TBC1D19: variants seen among roughly 807,000 people sequenced by gnomAD.
The protein encoded by TBC1D19 is TBC1 domain family member 19.
In TBC1D19, 60 loss-of-function variants were observed where a neutral mutation model predicts 89.0. The observed-to-expected ratio is 0.67, with a 90% CI of 0.55 to 0.84. The LOEUF (loss-of-function observed/expected upper bound fraction) is 0.84, where lower values mean the gene tolerates loss of function less well. Among genes scored for constraint, TBC1D19 ranks in the 40% least tolerant of loss-of-function variants. The pLI, the probability that TBC1D19 is intolerant of heterozygous loss-of-function variation, is 0.00. For missense variants in TBC1D19, 500 were observed against 610.8 expected, an observed-to-expected ratio of 0.82 and a Z score of 1.91; for synonymous variants, 189 against 199.7, an observed-to-expected ratio of 0.95 and a Z score of 0.45.
rs1028981940 is a variant in TBC1D19 at position 26,688,404 on chromosome 4, T to C, written c.951T>C (p.Tyr317=). Residue 317 remains tyrosine, a synonymous_variant, in exon 13 of 21, where the codon TAT becomes TAC. Coordinates refer to ENST00000264866, the MANE Select transcript of TBC1D19 (RefSeq NM_018317.4). ...ATTTTGTATTTGAAGATTATTTATATCAGGTAAGTTTAAAAATAAAAATAC... is the reference window on the plus strand; with the variant it reads ...ATTTTGTATTTGAAGATTATTTATACCAGGTAAGTTTAAAAATAAAAATAC... ...DYYFVFEDYL[Y]QVLLCFSRDT... 1 of 1,559,226 alleles carries C rather than the reference T, an allele frequency of 6.4e-7. No individual in the cohort carries two copies. Among genetic ancestry groups the C allele is most frequent in the Non-Finnish European group, 8.7e-7 (1 of 1,148,578 alleles).
chr4:26,712,610 A>G (rs1716274226), intron 13 of TBC1D19, among the ~76,000 whole-genome samples: 1 of 152,110 alleles, frequency 6.6e-6, no homozygotes. Context: ...GTGTGACTAT[A>G]CCAGAATACC....
chr4:26,611,887 G>A (rs1360598637), intron 1 of TBC1D19, among the ~76,000 whole-genome samples: 3 of 151,896 alleles, frequency 2.0e-5, no homozygotes. Flanking sequence ...GCGTTGATTT[G>A]TCAGTTTTAA....
chr4:26,624,704 T>C (rs2110043561), intron 4 of TBC1D19, among the ~76,000 whole-genome samples: 1 of 152,282 alleles, frequency 6.6e-6, no homozygotes, highest in Admixed American at 6.5e-5. Context: ...ACACTATTTA[T>C]TTTAAGGATA....
At chr4:26,758,282 A>T (rs1029955690), downstream of TBC1D19, among the ~76,000 whole-genome samples, 4 of 152,214 alleles carry the variant, frequency 2.6e-5, no homozygotes, top group African/African-American at 9.6e-5. Context: ...AATGTGGAAG[A>T]TGCAAGCAGA....
chr4:26,653,854 G>C (rs1238154728), intron 7 of TBC1D19, among the ~76,000 whole-genome samples: 1 of 152,068 alleles, frequency 6.6e-6, no homozygotes, highest in Non-Finnish European at 1.5e-5. Flanking sequence ...CTTTTAATTG[G>C]GGAATTTAGC....
chr4:26,735,561 C>G (rs1299918056), intron 16 of TBC1D19, 74 bp downstream of exon 16: 2 of 1,284,894 alleles, frequency 1.6e-6, no homozygotes, highest in African/African-American at 3.1e-5. Flanking sequence ...AAAATAATGA[C>G]TGACAGATAT....
At chr4:26,791,277 C>T in the TBC1D19 span, among the ~76,000 whole-genome samples, 1 of 152,108 alleles carries the variant, frequency 6.6e-6, no homozygotes, top group African/African-American at 2.4e-5. Context: ...GTCATTGATT[C>T]GATTCATTCA....
chr4:26,682,036 A>G (rs1713390223), intron 11 of TBC1D19, among the ~76,000 whole-genome samples: 1 of 152,170 alleles, frequency 6.6e-6, no homozygotes, highest in Non-Finnish European at 1.5e-5. Flanking sequence ...AGGATGTTTA[A>G]CTTTTTCTTT....
At chr4:26,678,970 G>A (rs984445320) in intron 11 of TBC1D19, among the ~76,000 whole-genome samples, 1 of 152,146 alleles carries the variant, frequency 6.6e-6, no homozygotes, top group Non-Finnish European at 1.5e-5. Context: ...GTATCTGGTG[G>A]AAGAAATTTC....
intron 15 of TBC1D19, among the ~76,000 whole-genome samples, chr4:26,733,538 A>G (rs1489176742): frequency 6.6e-6 from 1 of 152,216 alleles, no homozygotes; most frequent in Non-Finnish European, 1.5e-5. Flanking sequence ...CATCCAGTCC[A>G]TGCCCTTATC....
chr4:26,843,300 G>A, the TBC1D19 span, among the ~76,000 whole-genome samples: 1 of 152,026 alleles, frequency 6.6e-6, no homozygotes, highest in East Asian at 1.9e-4. Flanking sequence ...GTAAATCTAT[G>A]TCTCCCCAAA....
At chr4:26,654,068 G>A (rs1321600449) in intron 7 of TBC1D19, among the ~76,000 whole-genome samples, 1 of 152,126 alleles carries the variant, frequency 6.6e-6, no homozygotes, top group Non-Finnish European at 1.5e-5. Context: ...GGGCAGGCCT[G>A]GTGGTGACAA....
chr4:26,740,035 T>G, intron 17 of TBC1D19, 62 bp downstream of exon 17: 1 of 1,141,896 alleles, frequency 8.8e-7, no homozygotes, highest in East Asian at 2.8e-5. Context: ...TTTCTTTCTG[T>G]TAAGAAAAAG....
chr4:26,767,023 G>C, the TBC1D19 span, among the ~76,000 whole-genome samples: 1 of 152,046 alleles, frequency 6.6e-6, no homozygotes, highest in African/African-American at 2.4e-5. Context: ...AAATCTGCGA[G>C]ACCAGGCATG....
chr4:26,782,015 C>G, the TBC1D19 span, among the ~76,000 whole-genome samples: 1 of 152,216 alleles, frequency 6.6e-6, no homozygotes, highest in Admixed American at 6.5e-5. Flanking sequence ...ACATATCCTA[C>G]TGCCCAGATA....
chr4:26,650,705 C>A (rs2109042688), intron 7 of TBC1D19, among the ~76,000 whole-genome samples: 1 of 152,294 alleles, frequency 6.6e-6, no homozygotes, highest in Non-Finnish European at 1.5e-5. Context: ...TGTGCAGAAG[C>A]TCTTTTGTTT....
chr4:26,825,849 C>T, the TBC1D19 span, among the ~76,000 whole-genome samples: 2 of 152,180 alleles, frequency 1.3e-5, no homozygotes, highest in African/African-American at 4.8e-5. Context: ...GCCATTGAAA[C>T]AGGGCCTGGT....
chr4:26,615,369 T>G (rs1431116043), intron 3 of TBC1D19, among the ~76,000 whole-genome samples: 3 of 152,196 alleles, frequency 2.0e-5, no homozygotes, highest in Non-Finnish European at 4.4e-5. Context: ...TACTAAGCAC[T>G]GAGCATATAG....
chr4:26,820,562 A>G, the TBC1D19 span, among the ~76,000 whole-genome samples: 4 of 152,236 alleles, frequency 2.6e-5, no homozygotes, highest in African/African-American at 7.2e-5. Context: ...TCCATTGTAC[A>G]TAAATACCAC....
Sources: allele counts gnomAD v4.1 joint callset (sites outside exome capture counted in the v4.1 genomes callset), GRCh38; gene constraint gnomAD v4.1.1; transcripts MANE v1.5; gene names NCBI Gene and HGNC (gene_info 2026-07-23, HGNC 2026-07-21).